Variants in MSI2 observed in about 807,000 individuals in gnomAD.
MSI2 encodes RNA-binding protein Musashi homolog 2.
Under a neutral mutation model 45.6 loss-of-function variants are expected in MSI2, and 17 were observed. The ratio of observed to expected loss-of-function variants is 0.37; its 90% CI spans 0.26 to 0.56. The LOEUF (loss-of-function observed/expected upper bound fraction) is 0.56. MSI2 is among the 20% of genes least tolerant of loss of function. MSI2 has a pLI of 0.77. For synonymous variants in MSI2, 156 were observed against 158.2 expected, an observed-to-expected ratio of 0.99 and a Z score of 0.11; for missense variants, 293 against 444.2, an observed-to-expected ratio of 0.66 and a Z score of 3.06.
At chr17:57,586,421 C>G (rs2088349308) in intron 7 of MSI2, among the ~76,000 whole-genome samples, 1 of 152,054 alleles carries the variant, frequency 6.6e-6, no homozygotes, top group Non-Finnish European at 1.5e-5. Context: ...TAGGATGCCC[C>G]CACCCTGTCT....
Position 57,386,999 on chromosome 17 carries a change from C to T in MSI2, c.313-14380C>T, listed in dbSNP as rs570536628. On this transcript the variant is annotated intron_variant, in intron 5 of 13. Transcript: ENST00000284073. ...GAAGTGCCCTTCAGAGAGAGCCACACGCCATTTGCTGGGCCATGTGTCTGA... is the reference window on the plus strand; with the variant it reads ...GAAGTGCCCTTCAGAGAGAGCCACATGCCATTTGCTGGGCCATGTGTCTGA... Among the ~76,000 whole-genome samples, 29 of 152,268 alleles carry T rather than the reference C, an allele frequency of 1.9e-4. No individual in the cohort carries two copies. The East Asian group carries it at 2.7e-3, about 14-fold the overall frequency.
At chr17:57,379,674 G>A (rs1171345403) in intron 5 of MSI2, among the ~76,000 whole-genome samples, 1 of 152,142 alleles carries the variant, frequency 6.6e-6, no homozygotes, top group African/African-American at 2.4e-5. Context: ...CTGCTGTCCT[G>A]CAGGCTGGCG....
intron 6 of MSI2, among the ~76,000 whole-genome samples, chr17:57,494,421 G>A (rs528948646): frequency 6.6e-6 from 1 of 152,154 alleles, no homozygotes; most frequent in Non-Finnish European, 1.5e-5. Flanking sequence ...CTGTGGACCT[G>A]GAGTGGGTTT....
In MSI2 at chr17:57,339,267, C is replaced by T. The variant is rs569975293; in HGVS notation, c.313-62112C>T. Among the ~76,000 whole-genome samples the T allele has an allele frequency of 1.5e-3, 226 of 152,254 alleles. 2 individuals are homozygous for T. The highest frequency in any genetic ancestry group is 2.8e-4 in the Non-Finnish European group (19 of 68,020). On this transcript the variant is annotated intron_variant, in intron 5 of 13. Coordinates refer to ENST00000284073, the MANE Select transcript of MSI2 (RefSeq NM_138962.4). ...CGCGTTTGGGCAGCCTCCAGGGGGT[C>T]GGCATATTTAGATCATCGTCTCACG...
At chr17:57,614,343 ACG>A (rs1907472531) in intron 8 of MSI2, among the ~76,000 whole-genome samples, 4 of 151,714 alleles carry the variant, frequency 2.6e-5, no homozygotes, top group Admixed American at 2.0e-4. Flanking sequence ...GTGAGCCACC[ACG>A]TCCGGCCTAG....
chr17:57,489,849 G>A (rs896471708), intron 6 of MSI2, among the ~76,000 whole-genome samples: 3 of 152,194 alleles, frequency 2.0e-5, no homozygotes, highest in Non-Finnish European at 4.4e-5. Context: ...TTATCTCTAA[G>A]TCCAAGTATC....
intron 8 of MSI2, among the ~76,000 whole-genome samples, chr17:57,614,273 G>T (rs958813473): frequency 6.6e-6 from 1 of 152,056 alleles, no homozygotes; most frequent in South Asian, 2.1e-4. Context: ...GGCTGGTCTC[G>T]AACTCCTGGA....
chr17:57,488,417 C>T (rs1353066187), intron 6 of MSI2, among the ~76,000 whole-genome samples: 4 of 152,182 alleles, frequency 2.6e-5, no homozygotes, highest in African/African-American at 7.2e-5. Context: ...TTTAACCCCA[C>T]CTACCTTTTG....
intron 10 of MSI2, among the ~76,000 whole-genome samples, chr17:57,645,141 A>G (rs1292460150): frequency 6.6e-6 from 1 of 152,204 alleles, no homozygotes; most frequent in African/African-American, 2.4e-5. Context: ...CATCAGAATC[A>G]TCCGGAAGGC....
intron 7 of MSI2, among the ~76,000 whole-genome samples, chr17:57,587,545 GC>G (rs1904412337): frequency 7.8e-6 from 1 of 128,912 alleles, no homozygotes; most frequent in African/African-American, 3.0e-5. Context: ...ATCACTCCCC[GC>G]CCCCCACCCA....
chr17:57,428,208 G>A (rs994184845), intron 6 of MSI2, among the ~76,000 whole-genome samples: 4 of 152,126 alleles, frequency 2.6e-5, no homozygotes, highest in African/African-American at 9.7e-5. Context: ...TGGTAGGACT[G>A]TGGTAAAATC....
chr17:57,553,510 C>G (rs578241643), intron 7 of MSI2, among the ~76,000 whole-genome samples: 9 of 152,284 alleles, frequency 5.9e-5, no homozygotes, highest in African/African-American at 2.2e-4. Context: ...CACTTCTGCC[C>G]TGGTGTTGAC....
chr17:57,374,074 G>A lies in MSI2; in HGVS notation c.313-27305G>A, dbSNP rs576113646. ...TCAGTTCTGTGTTATGGCCATGCAAGGTAGACTGGCAGAGAAGCAAAAAAC... is the reference window on the plus strand; with the variant it reads ...TCAGTTCTGTGTTATGGCCATGCAAAGTAGACTGGCAGAGAAGCAAAAAAC... On this transcript the variant is annotated intron_variant, in intron 5 of 13. Coordinates refer to ENST00000284073, the MANE Select transcript of MSI2 (RefSeq NM_138962.4). 4.7e-4 allele frequency among the ~76,000 whole-genome samples: 71 copies of A among 152,276 alleles called. 1 individual carries two copies. The highest frequency in any genetic ancestry group is 1.7e-3 in the African/African-American group (69 of 41,558).
Position 57,459,831 on chromosome 17 carries a change from A to G in MSI2, c.405+58360A>G, listed in dbSNP as rs184805039. Among the ~76,000 whole-genome samples the G allele has an allele frequency of 3.8e-3, 577 of 151,736 alleles. 5 individuals are homozygous for G. The highest frequency in any genetic ancestry group is 0.027 in the Middle Eastern group (8 of 292). On this transcript the variant is annotated intron_variant, in intron 6 of 13. Coordinates refer to ENST00000284073, the MANE Select transcript of MSI2 (RefSeq NM_138962.4). The stretch of plus-strand genomic sequence containing the variant: ...CAACATAGCAAGACTTCATCTCTAC[A>G]AAAAATTAAAAAATTAGCCGGGCAC...
At position 57,370,785 on chromosome 17, in the gene MSI2, A is replaced by G. The variant is rs147477101; in HGVS notation, c.313-30594A>G. ...GAGACTTGCGCTACAACACAGCCAC[A>G]TACAGCTTTGCACTGAGGGTCAGGA... On this transcript the variant is annotated intron_variant, in intron 5 of 13. Transcript: ENST00000284073. 3.0e-3 allele frequency among the ~76,000 whole-genome samples: 452 copies of G among 152,318 alleles called. 2 individuals carry two copies. Among genetic ancestry groups the G allele is most frequent in the African/African-American group, 0.01 (435 of 41,564 alleles).
At chr17:57,676,460 G>T (rs183380279) in intron 12 of MSI2, among the ~76,000 whole-genome samples, 10 of 152,260 alleles carry the variant, frequency 6.6e-5, no homozygotes, top group Admixed American at 6.5e-4. Context: ...CTCAATTTAG[G>T]GGACCGTCTA....
At position 57,544,412 on chromosome 17, in the gene MSI2, A is replaced by T. The variant is rs546299989; in HGVS notation, c.454+14688A>T. On this transcript the variant is annotated intron_variant, in intron 7 of 13. Transcript: ENST00000284073. The stretch of plus-strand genomic sequence containing the variant: ...CAGAAACAAAGTGGTTTGAATCAGA[A>T]ATGGCACCTCCTGGGTTCATCCCCT... Among the ~76,000 whole-genome samples, 19 of 152,244 alleles carry T rather than the reference A, an allele frequency of 1.2e-4. No individual in the cohort carries two copies. The East Asian group carries it at 3.5e-3, about 28-fold the overall frequency.
chr17:57,363,880 T>C (rs1347324799), intron 5 of MSI2, among the ~76,000 whole-genome samples: 14 of 152,172 alleles, frequency 9.2e-5, no homozygotes, highest in Admixed American at 9.2e-4. Context: ...GCCAGACAGG[T>C]GAGAACTGCC....
Position 57,257,565 on chromosome 17 carries a change from G to T in MSI2, c.185+18G>T. The T allele has an allele frequency of 6.6e-7, 1 of 1,524,636 alleles. No homozygotes were observed. 94.4% of individuals were successfully genotyped at this position (1,524,636 alleles called of 1,614,324 possible). On this transcript the variant is annotated intron_variant, in intron 3 of 13. Transcript: ENST00000284073. ...CGCTCCAGGTAAACCATTCCCTTCTGGATTTTGTCTTTATTTTAGAACAAA... is the reference window on the plus strand; with the variant it reads ...CGCTCCAGGTAAACCATTCCCTTCTTGATTTTGTCTTTATTTTAGAACAAA...
Sources: allele counts gnomAD v4.1 joint callset (sites outside exome capture counted in the v4.1 genomes callset), GRCh38; gene constraint gnomAD v4.1.1; transcripts MANE v1.5; gene names NCBI Gene and HGNC (gene_info 2026-07-23, HGNC 2026-07-21).